The following COL14A1 variants were observed in gnomAD, a reference collection of about 807,000 sequenced individuals.
COL14A1 encodes the protein collagen alpha-1(XIV) chain.
In COL14A1, 136 loss-of-function variants were observed where a neutral mutation model predicts 230.3. The observed-to-expected ratio is 0.59, with a 90% CI of 0.51 to 0.68. The LOEUF (loss-of-function observed/expected upper bound fraction) is 0.68, where lower values mean the gene tolerates loss of function less well. COL14A1 is among the 30% of genes least tolerant of loss of function. The pLI is 0.00. For missense variants in COL14A1, 1,976 were observed against 2,215.8 expected, an observed-to-expected ratio of 0.89 and a Z score of 2.17; for synonymous variants, 792 against 784.1, an observed-to-expected ratio of 1.01 and a Z score of -0.17.
chr8:120,190,409 C>T (rs1390271670), intron 5 of COL14A1, among the ~76,000 whole-genome samples: 4 of 152,162 alleles, frequency 2.6e-5, no homozygotes, highest in African/African-American at 7.2e-5. Flanking sequence ...GAGTAGGATG[C>T]GAACATTTTC....
chr8:120,311,664 A>G (rs1175463827), intron 37 of COL14A1, among the ~76,000 whole-genome samples: 3 of 152,156 alleles, frequency 2.0e-5, no homozygotes, highest in Admixed American at 2.0e-4. Context: ...TGTTGCAGCA[A>G]ATACAGAATA....
intron 9 of COL14A1, among the ~76,000 whole-genome samples, chr8:120,204,804 C>T (rs1250205620): frequency 1.3e-5 from 2 of 152,172 alleles, no homozygotes; most frequent in East Asian, 1.9e-4. Context: ...TGCTAGGTCT[C>T]CTCTGACACT....
chr8:120,157,949 C>T (rs1157234954), intron 2 of COL14A1, among the ~76,000 whole-genome samples, 181 bp from the exon 3 acceptor site: 1 of 152,188 alleles, frequency 6.6e-6, no homozygotes, highest in African/African-American at 2.4e-5. Flanking sequence ...CGTGCCACTG[C>T]ACTCCAGCCT....
rs774737101 is a variant in COL14A1, at chr8:120,228,764, C to G, written c.2192C>G (p.Thr731Ser). Residue 731 changes from threonine (T) to serine (S), a missense_variant, in exon 18 of 48, where the codon ACT becomes AGT. Thr to Ser is a moderately conservative substitution (Grantham distance 58). This residue lies in a region of COL14A1 where 1,791 missense variants were observed against 2,019.5 expected (regional missense o/e 0.89). Transcript: ENST00000297848. ...ATTIVPTTSV[T>S]SVFQTGIRNL... ...ACCATAGTGCCTACCACATCTGTGA[C>G]TTCAGGTAAGGTCAAATAGTAGCCT... 8 of 1,613,628 alleles carry G rather than the reference C, an allele frequency of 5.0e-6. No homozygotes were observed. Among genetic ancestry groups the G allele is most frequent in the Non-Finnish European group, 6.8e-6 (8 of 1,179,668 alleles).
chr8:120,176,296 T>C (rs1816281323), intron 5 of COL14A1, among the ~76,000 whole-genome samples: 1 of 152,172 alleles, frequency 6.6e-6, no homozygotes, highest in South Asian at 2.1e-4. Flanking sequence ...TCTACCCTCA[T>C]GGAGCTTACA....
At chr8:120,365,232 C>A (rs1823369902) in intron 45 of COL14A1, among the ~76,000 whole-genome samples, 1 of 152,128 alleles carries the variant, frequency 6.6e-6, no homozygotes, top group African/African-American at 2.4e-5. Context: ...TCCCAGATAT[C>A]CTCTTCTGCC....
chr8:120,271,582 A>G (rs1785406331), intron 26 of COL14A1, among the ~76,000 whole-genome samples: 1 of 151,598 alleles, frequency 6.6e-6, no homozygotes, highest in African/African-American at 2.4e-5. Flanking sequence ...TTGAACTGAG[A>G]TGTGAATGAT....
At chr8:120,192,888 T>C (rs1230139668) in intron 5 of COL14A1, among the ~76,000 whole-genome samples, 3 of 152,042 alleles carry the variant, frequency 2.0e-5, no homozygotes, top group East Asian at 1.9e-4. Context: ...CCTTGGCTTT[T>C]AGCTCCATCA....
In COL14A1 at chr8:120,197,856, A is replaced by T; in HGVS notation, c.638A>T (p.Asn213Ile). ...SGDPRIEWHL[N>I]AFSTKDEVIE... Reference sequence around the variant, plus strand: ...GACCCCAGAATAGAATGGCACTTGAATGCATTTAGCACAAAAGATGAAGTG... The same window carrying T: ...GACCCCAGAATAGAATGGCACTTGATTGCATTTAGCACAAAAGATGAAGTG... Residue 213 changes from asparagine (N) to isoleucine (I), a missense_variant, in exon 7 of 48, where the codon AAT becomes ATT. By Grantham distance (149) the Asn-to-Ile change is moderately radical. Around this residue, in one of 3 missense-constraint regions of COL14A1, gnomAD observed 1,791 missense variants for 2,019.5 expected, o/e 0.89. Transcript: ENST00000297848. 1 of 1,613,718 alleles carries T rather than the reference A, an allele frequency of 6.2e-7. No homozygotes were observed. The highest frequency in any genetic ancestry group is 8.5e-7 in the Non-Finnish European group (1 of 1,179,710).
At chr8:120,214,497 A>T (rs377490350) in intron 13 of COL14A1, among the ~76,000 whole-genome samples, 2 of 152,312 alleles carry the variant, frequency 1.3e-5, no homozygotes, top group African/African-American at 2.4e-5. Flanking sequence ...GTCCTTGAAG[A>T]GGTTCAAAAA....
intron 4 of COL14A1, among the ~76,000 whole-genome samples, chr8:120,166,303 A>T (rs1478072036): frequency 6.6e-6 from 1 of 152,236 alleles, no homozygotes; most frequent in Non-Finnish European, 1.5e-5. Context: ...AACTGTGTCA[A>T]GGGTGACTGA....
At chr8:120,301,871 T>G (rs1820724676) in intron 36 of COL14A1, among the ~76,000 whole-genome samples, 2 of 152,140 alleles carry the variant, frequency 1.3e-5, no homozygotes, top group Non-Finnish European at 2.9e-5. Context: ...CATCAGTTAT[T>G]TCTTTATGTT....
intron 40 of COL14A1, among the ~76,000 whole-genome samples, chr8:120,328,619 C>T (rs568961261): frequency 9.3e-4 from 141 of 152,268 alleles, no homozygotes; most frequent in African/African-American, 3.3e-3. Flanking sequence ...GTCATCCTTC[C>T]AGATGATATG....
intron 19 of COL14A1, among the ~76,000 whole-genome samples, chr8:120,235,844 A>G (rs1374574731): frequency 1.3e-5 from 2 of 152,146 alleles, no homozygotes; most frequent in Non-Finnish European, 2.9e-5. Flanking sequence ...TCCAAAGAAC[A>G]TATTTATTTC....
intron 2 of COL14A1, among the ~76,000 whole-genome samples, chr8:120,155,404 G>C (rs907769136): frequency 6.6e-6 from 1 of 152,158 alleles, no homozygotes; most frequent in Admixed American, 6.5e-5. Context: ...TGGAGATTTG[G>C]AAGCCAAATC....
At chr8:120,278,331 A>G (rs1038660342) in intron 27 of COL14A1, 97 bp downstream of exon 27, 23 of 1,478,478 alleles carry the variant, frequency 1.6e-5, no homozygotes, top group Middle Eastern at 3.7e-4. Context: ...TTTTTTAAAG[A>G]TTTTTTTTTT....
chr8:120,159,051 A>G (rs970272269), intron 3 of COL14A1, among the ~76,000 whole-genome samples: 3 of 152,144 alleles, frequency 2.0e-5, no homozygotes, highest in African/African-American at 2.4e-5. Flanking sequence ...TCAGTGCCTC[A>G]AGTTTCTTCT....
chr8:120,252,640 C>A (rs1819009675), intron 22 of COL14A1, among the ~76,000 whole-genome samples: 1 of 152,144 alleles, frequency 6.6e-6, no homozygotes, highest in Admixed American at 6.5e-5. Context: ...ATAATAATAA[C>A]CATCGTTCAG....
intron 40 of COL14A1, 27 bp from the exon 41 acceptor site, chr8:120,332,114 C>G (rs1821889892): frequency 6.2e-7 from 1 of 1,612,032 alleles, no homozygotes; most frequent in Admixed American, 1.7e-5. Flanking sequence ...CAACCACTTG[C>G]TGACATGCTG....
Sources: allele counts gnomAD v4.1 joint callset (sites outside exome capture counted in the v4.1 genomes callset), GRCh38; gene constraint gnomAD v4.1.1; regional missense constraint gnomAD v4.1.1; transcripts MANE v1.5; gene names NCBI Gene and HGNC (gene_info 2026-07-23, HGNC 2026-07-21).